The following AHCTF1 variants were observed in gnomAD, a reference collection of about 807,000 sequenced individuals.
AHCTF1 encodes AT-hook containing transcription factor 1, also known as protein ELYS.
In AHCTF1, 24 loss-of-function variants were observed where a neutral mutation model predicts 248.4. The ratio of observed to expected loss-of-function variants is 0.10; its 90% confidence interval spans 0.07 to 0.14. AHCTF1 has a LOEUF of 0.14. Among genes scored for constraint, AHCTF1 ranks in the 10% least tolerant of loss-of-function variants. The pLI is 1.00. For missense variants in AHCTF1, 2,206 were observed against 2,636.2 expected (o/e 0.84, Z 3.57); for synonymous variants, 786 against 929.8 (o/e 0.85, Z 2.81).
chr1:246,860,096 C>T (rs969217883), intron 29 of AHCTF1, among the ~76,000 whole-genome samples: 15 of 151,776 alleles, frequency 9.9e-5, no homozygotes, highest in African/African-American at 3.4e-4. Context: ...CCCGTCTCTA[C>T]TAAAAATACA....
intron 33 of AHCTF1, 79 bp downstream of exon 33, chr1:246,849,536 C>T: frequency 1.3e-6 from 2 of 1,504,250 alleles, no homozygotes; most frequent in Non-Finnish European, 1.8e-6. Context: ...CCTATAAAAC[C>T]ATTTTTAGGA....
intron 5 of AHCTF1, among the ~76,000 whole-genome samples, chr1:246,907,307 T>C (rs1383419594): frequency 6.6e-6 from 1 of 152,220 alleles, no homozygotes; most frequent in Non-Finnish European, 1.5e-5. Context: ...GTTAAACACA[T>C]GACTGTAATG....
Position 246,853,244 on chromosome 1 carries a change from A to G in AHCTF1, c.4410T>C (p.Gly1470=), listed in dbSNP as rs1375430721. 4 of 1,613,988 alleles carry G rather than the reference A, an allele frequency of 2.5e-6. No homozygotes were observed. Among genetic ancestry groups the G allele is most frequent in the East Asian group, 4.5e-5 (2 of 44,868 alleles). The change falls in exon 32 of 36, where the codon GGT becomes GGC. Residue 1470 remains glycine (G), a synonymous_variant. Transcript: ENST00000648844. ...GGNSSLTISE[G]PIVSERRLNQ... is the part of the protein sequence containing the mutation. ...TAAGCCTGCGCTCAGAGACAATAGG[A>G]CCTTCAGAGATAGTGAGCGAGGAGT...
chr1:246,908,723 T>TAAAAA (rs35110822), intron 4 of AHCTF1, among the ~76,000 whole-genome samples: 2 of 106,866 alleles, frequency 1.9e-5, no homozygotes, highest in African/African-American at 7.0e-5. Context: ...CAGTCTCTAC[T>TAAAAA]AAAAAAAAAA....
At chr1:246,878,519 C>T (rs1006314021) in intron 21 of AHCTF1, among the ~76,000 whole-genome samples, 25 of 140,348 alleles carry the variant, frequency 1.8e-4, no homozygotes, top group African/African-American at 6.6e-4. Context: ...AAGTTAAAAA[C>T]AGTATGAAAA....
intron 24 of AHCTF1, among the ~76,000 whole-genome samples, chr1:246,870,378 A>G (rs1188839805): frequency 6.6e-6 from 1 of 152,224 alleles, no homozygotes; most frequent in Non-Finnish European, 1.5e-5. Context: ...AGCTATGATT[A>G]TACCACTGTA....
rs1201322027 is a variant in AHCTF1 at position 246,840,865 on chromosome 1, T to C, written c.6742A>G (p.Arg2248Gly). The part of the protein sequence containing the change: ...TTEVTGTGLG[R>G]NRKKLSSYPK... The stretch of plus-strand genomic sequence containing the variant: ...TAGGAAGACAGTTTCTTTCTGTTCC[T>C]TCCAAGACCTGTTCCTGTCACTTCT... The change falls in exon 36 of 36, where the codon AGG becomes GGG. Residue 2248 changes from arginine to glycine, a missense_variant. Physicochemically the swap from Arg to Gly is moderately radical, Grantham distance 125 (BLOSUM62 -2). Coordinates refer to ENST00000648844, the MANE Select transcript of AHCTF1 (RefSeq NM_001323342.2). 1 of 1,613,000 alleles carries C rather than the reference T, an allele frequency of 6.2e-7. No individual in the cohort carries two copies.
At chr1:246,918,724 T>A (rs1666320007) in intron 1 of AHCTF1, among the ~76,000 whole-genome samples, 1 of 152,230 alleles carries the variant, frequency 6.6e-6, no homozygotes, top group South Asian at 2.1e-4. Flanking sequence ...TAAGAAAGTA[T>A]TTCCCAAACA....
intron 1 of AHCTF1, among the ~76,000 whole-genome samples, chr1:246,930,051 CAAA>C (rs201449234): frequency 3.5e-5 from 4 of 113,964 alleles, no homozygotes; most frequent in Non-Finnish European, 6.2e-5. Context: ...GACCCCGTCT[CAAA>C]AAAAAAAAAA....
At chr1:246,929,924 C>T (rs1012200853) in intron 1 of AHCTF1, among the ~76,000 whole-genome samples, 19 of 151,868 alleles carry the variant, frequency 1.3e-4, no homozygotes, top group African/African-American at 4.1e-4. Flanking sequence ...TGGTGGCGTG[C>T]GCCTGTAATC....
intron 29 of AHCTF1, among the ~76,000 whole-genome samples, chr1:246,859,652 C>T (rs1036656022): frequency 2.0e-5 from 3 of 152,076 alleles, no homozygotes; most frequent in Admixed American, 2.0e-4. Flanking sequence ...TCACTGCATC[C>T]CCAACCTCGA....
At chr1:246,894,956 T>A (rs886281243) in intron 13 of AHCTF1, among the ~76,000 whole-genome samples, 1 of 151,722 alleles carries the variant, frequency 6.6e-6, no homozygotes, top group Non-Finnish European at 1.5e-5. Flanking sequence ...ATGCAAAAAC[T>A]GTCATTTAAT....
intron 32 of AHCTF1, chr1:246,852,089 G>C (rs1040950401): frequency 6.6e-6 from 1 of 152,644 alleles, no homozygotes; most frequent in Non-Finnish European, 1.5e-5. Context: ...GTAACAGAGA[G>C]ATCTCCTGAC....
intron 24 of AHCTF1, among the ~76,000 whole-genome samples, chr1:246,870,815 T>TC (rs1305559606): frequency 6.6e-6 from 1 of 151,040 alleles, no homozygotes; most frequent in Non-Finnish European, 1.5e-5. Flanking sequence ...ATCAAATACC[T>TC]CCTCCTCAGA....
intron 33 of AHCTF1, among the ~76,000 whole-genome samples, chr1:246,847,099 C>T (rs1464407260): frequency 6.6e-5 from 10 of 152,080 alleles, no homozygotes; most frequent in Non-Finnish European, 1.5e-5. Context: ...CTAGCTTGGC[C>T]AACATGGCGA....
At chr1:246,857,852 ATATT>A (rs1661214805) in intron 29 of AHCTF1, 38 bp from the exon 30 acceptor site, 1 of 1,548,040 alleles carries the variant, frequency 6.5e-7, no homozygotes, top group East Asian at 2.3e-5. Flanking sequence ...TTTATGCTAA[ATATT>A]TAGTGATTAC....
Position 246,890,995 on chromosome 1 carries a change from G to A in AHCTF1, c.2011C>T (p.Leu671Phe). The stretch of plus-strand genomic sequence containing the variant: ...AAAAGCCCAGAATGAGAGAACCAAA[G>A]AACCACTTGTGCATACTGACAGATG... ...HLICQYAQVV[L>F]WFSHSGLLPE... The change falls in exon 16 of 36, where the codon CTT becomes TTT. Residue 671 changes from leucine to phenylalanine, a missense_variant. Physicochemically the swap from Leu to Phe is conservative, Grantham distance 22 (BLOSUM62 0). This residue lies in a region of AHCTF1 where 650 missense variants were observed against 870.8 expected (regional missense o/e 0.75). Transcript: ENST00000648844. The A allele has an allele frequency of 6.4e-7, 1 of 1,554,046 alleles. No individual in the cohort carries two copies. The highest frequency in any genetic ancestry group is 8.6e-7 in the Non-Finnish European group (1 of 1,156,142).
rs1663429621 is a variant in AHCTF1 at position 246,881,770 on chromosome 1, A to AAG, written c.2660+3722_2660+3723insCT. On this transcript the variant is annotated intron_variant, in intron 21 of 35. Coordinates refer to ENST00000648844, the MANE Select transcript of AHCTF1 (RefSeq NM_001323342.2). Reference sequence around the variant, plus strand: ...GGAGAATCGCTTGAACCTGGGAGGCAGAGGTTGCAGTGAGCCAAGATCGCA... The same window carrying AAG: ...GGAGAATCGCTTGAACCTGGGAGGCAAGGAGGTTGCAGTGAGCCAAGATCGCA... Among the ~76,000 whole-genome samples, 5 of 148,744 alleles carry AAG rather than the reference A, an allele frequency of 3.4e-5. No homozygotes were observed. In the South Asian group the frequency reaches 1.1e-3, roughly 33 times the overall value.
chr1:246,853,749 T>C (rs992885444), intron 31 of AHCTF1, among the ~76,000 whole-genome samples: 3 of 152,198 alleles, frequency 2.0e-5, no homozygotes, highest in Non-Finnish European at 4.4e-5. Context: ...TGTACTCTAC[T>C]ACTTTAAAAT....
Sources: allele counts gnomAD v4.1 joint callset (sites outside exome capture counted in the v4.1 genomes callset), GRCh38; gene constraint gnomAD v4.1.1; regional missense constraint gnomAD v4.1.1; transcripts MANE v1.5; gene names NCBI Gene and HGNC (gene_info 2026-07-23, HGNC 2026-07-21).